The following SORCS1 variants were observed in gnomAD, a reference collection of about 807,000 sequenced individuals.
SORCS1 encodes the protein VPS10 domain-containing receptor SorCS1.
Under a neutral mutation model 146.1 loss-of-function variants are expected in SORCS1, and 60 were observed. The observed-to-expected ratio is 0.41, with a 90% CI of 0.33 to 0.51. The LOEUF is 0.51. SORCS1 is among the 20% of genes least tolerant of loss of function. The pLI, the probability that SORCS1 is intolerant of heterozygous loss-of-function variation, is 0.21. For missense variants in SORCS1, 1,352 were observed against 1,487.6 expected (o/e 0.91, Z 1.50); for synonymous variants, 637 against 584.0 (o/e 1.09, Z -1.31).
At position 106,718,318 on chromosome 10, in the gene SORCS1, T is replaced by C. The variant is rs1441752210; in HGVS notation, c.1025-8977A>G. Among the ~76,000 whole-genome samples the C allele has an allele frequency of 2.0e-5, 3 of 152,248 alleles. No individual in the cohort carries two copies. The East Asian group carries it at 5.8e-4, about 29-fold the overall frequency. ...CTGAGAAGCACATCACATAACTTTC[T>C]GTGTCCGCAATTGGTTCCTTCTGGT... On this transcript the variant is annotated intron_variant, in intron 6 of 25. Coordinates refer to ENST00000263054, the MANE Select transcript of SORCS1 (RefSeq NM_052918.5).
intron 1 of SORCS1, among the ~76,000 whole-genome samples, chr10:107,108,676 T>C (rs1433396483): frequency 6.6e-6 from 1 of 152,110 alleles, no homozygotes; most frequent in African/African-American, 2.4e-5. Context: ...CATGTCCTTC[T>C]CATATTGCAA....
At chr10:106,953,518 A>T in intron 2 of SORCS1, among the ~76,000 whole-genome samples, 1 of 120,438 alleles carries the variant, frequency 8.3e-6, no homozygotes, top group East Asian at 2.1e-4. Context: ...GGGAAGGCTG[A>T]CTATATGTAT....
intron 4 of SORCS1, among the ~76,000 whole-genome samples, chr10:106,761,879 T>C (rs1258550248): frequency 6.6e-6 from 1 of 152,196 alleles, no homozygotes; most frequent in East Asian, 1.9e-4. Flanking sequence ...AACTGAAGCT[T>C]AGAAGGATTA....
chr10:106,634,582 A>G (rs1005688350), intron 18 of SORCS1, among the ~76,000 whole-genome samples: 17 of 152,198 alleles, frequency 1.1e-4, no homozygotes, highest in African/African-American at 3.9e-4. Context: ...AATTACTCGC[A>G]ATATTTCTTT....
intron 1 of SORCS1, among the ~76,000 whole-genome samples, chr10:107,163,725 G>A (rs777858279): frequency 2.8e-4 from 42 of 152,084 alleles, no homozygotes; most frequent in Non-Finnish European, 5.4e-4. Flanking sequence ...AGGAAATAGG[G>A]ATTTGACTCC....
At chr10:106,582,498 AC>A (rs1844981627) in intron 24 of SORCS1, among the ~76,000 whole-genome samples, 1 of 152,030 alleles carries the variant, frequency 6.6e-6, no homozygotes, top group South Asian at 2.1e-4. Flanking sequence ...GTATAAAGGG[AC>A]CTATTATTGC....
intron 1 of SORCS1, among the ~76,000 whole-genome samples, chr10:107,103,480 A>G (rs1313317058): frequency 1.3e-5 from 2 of 152,226 alleles, no homozygotes; most frequent in African/African-American, 4.8e-5. Context: ...TTTTCAATGC[A>G]GCTTCCTCAG....
chr10:107,148,096 C>A (rs746275077), intron 1 of SORCS1, among the ~76,000 whole-genome samples: 1 of 152,130 alleles, frequency 6.6e-6, no homozygotes, highest in African/African-American at 2.4e-5. Context: ...AATAAATGAT[C>A]CACTTTGTGA....
intron 10 of SORCS1, among the ~76,000 whole-genome samples, chr10:106,687,634 T>C (rs1046173312): frequency 2.0e-5 from 3 of 152,230 alleles, no homozygotes; most frequent in East Asian, 1.9e-4. Context: ...CCACAGGCTA[T>C]AGTTTGCCAA....
intron 1 of SORCS1, among the ~76,000 whole-genome samples, chr10:107,151,581 C>T (rs1590249939): frequency 1.3e-5 from 2 of 152,152 alleles, no homozygotes; most frequent in South Asian, 4.1e-4. Context: ...ACGAGAATAG[C>T]ACAGGAAAGA....
intron 3 of SORCS1, among the ~76,000 whole-genome samples, chr10:106,783,412 TGTTAA>T (rs1449037455): frequency 6.6e-6 from 1 of 152,196 alleles, no homozygotes; most frequent in Non-Finnish European, 1.5e-5. Context: ...GCAAAAGCAC[TGTTAA>T]GTTTTGTGCA....
chr10:106,819,410 C>T (rs912694366), intron 3 of SORCS1, among the ~76,000 whole-genome samples: 1 of 152,120 alleles, frequency 6.6e-6, no homozygotes, highest in South Asian at 2.1e-4. Context: ...ACTAATGATG[C>T]CCCTGAGCAA....
intron 3 of SORCS1, among the ~76,000 whole-genome samples, chr10:106,799,943 T>C (rs1331521415): frequency 2.6e-5 from 4 of 152,176 alleles, no homozygotes; most frequent in African/African-American, 9.7e-5. Flanking sequence ...TTCTTCAAGT[T>C]CCTGCAAGAA....
intron 6 of SORCS1, among the ~76,000 whole-genome samples, chr10:106,724,760 G>A (rs1856030398): frequency 6.6e-6 from 1 of 152,168 alleles, no homozygotes. Flanking sequence ...GCAAGTGGGG[G>A]ATTTTTCCTG....
intron 1 of SORCS1, among the ~76,000 whole-genome samples, chr10:107,079,611 G>C (rs1476877702): frequency 2.0e-5 from 3 of 152,190 alleles, no homozygotes; most frequent in Non-Finnish European, 4.4e-5. Flanking sequence ...TGGGATGTCA[G>C]CTAATTAACC....
At chr10:106,690,670 G>A (rs1853229372) in intron 9 of SORCS1, among the ~76,000 whole-genome samples, 1 of 152,192 alleles carries the variant, frequency 6.6e-6, no homozygotes, top group East Asian at 1.9e-4. Context: ...GTATCGACAG[G>A]GGATAGAGCT....
At chr10:106,706,365 G>C (rs1345429270) in intron 8 of SORCS1, among the ~76,000 whole-genome samples, 180 bp downstream of exon 8, 2 of 152,082 alleles carry the variant, frequency 1.3e-5, no homozygotes, top group African/African-American at 4.8e-5. Flanking sequence ...GAGGAAACAA[G>C]AGGAGGGTAA....
chr10:107,026,049 T>C (rs1374419322), intron 1 of SORCS1, among the ~76,000 whole-genome samples: 1 of 152,110 alleles, frequency 6.6e-6, no homozygotes, highest in African/African-American at 2.4e-5. Flanking sequence ...CCACCATAGG[T>C]TGCAGGATTG....
chr10:106,731,404 G>A (rs1465723906), intron 5 of SORCS1, among the ~76,000 whole-genome samples: 1 of 149,986 alleles, frequency 6.7e-6, no homozygotes, highest in Non-Finnish European at 1.5e-5. Context: ...CTCATCTCCT[G>A]CCACACTGAA....
Sources: gnomAD v4.1 joint callset for allele counts (sites outside exome capture counted in the v4.1 genomes callset) on GRCh38, gnomAD v4.1.1 for gene constraint, MANE v1.5 for transcripts, NCBI Gene and HGNC (gene_info 2026-07-23, HGNC 2026-07-21) for gene names.